PARD3B: variants seen among roughly 807,000 people sequenced by gnomAD.
PARD3B encodes partitioning defective 3 homolog B.
In PARD3B, 103 loss-of-function variants were observed where a neutral mutation model predicts 130.2. That is an observed-to-expected ratio of 0.79 (90% confidence interval 0.67 to 0.93). The LOEUF (loss-of-function observed/expected upper bound fraction) is 0.93. Among genes scored for constraint, PARD3B ranks in the 40% least tolerant of loss-of-function variants. The pLI is 0.00. For synonymous variants in PARD3B, 583 were observed against 553.2 expected (o/e 1.05, Z -0.76); for missense variants, 1,609 against 1,499.2 (o/e 1.07, Z -1.21).
At chr2:204,857,298 G>A (rs10190489) in intron 2 of PARD3B, among the ~76,000 whole-genome samples, 12,743 of 152,094 alleles carry the variant, frequency 0.084, 1,290 homozygotes, top group African/African-American at 0.23. Context: ...TCATCTAAAA[G>A]TAACTCTTTA....
intron 2 of PARD3B, among the ~76,000 whole-genome samples, chr2:204,751,417 C>T (rs2040462500): frequency 1.3e-5 from 2 of 152,204 alleles, no homozygotes; most frequent in Admixed American, 1.3e-4. Context: ...GCAGGAGAAG[C>T]CCTTAAGCTT....
intron 15 of PARD3B, among the ~76,000 whole-genome samples, chr2:205,218,700 A>G (rs971096538): frequency 3.9e-5 from 6 of 152,180 alleles, no homozygotes; most frequent in African/African-American, 1.2e-4. Context: ...GGTACAGCCC[A>G]TTGCTTTTAC....
chr2:205,427,799 A>G (rs865828281), intron 19 of PARD3B, among the ~76,000 whole-genome samples: 1 of 152,242 alleles, frequency 6.6e-6, no homozygotes, highest in Non-Finnish European at 1.5e-5. Flanking sequence ...AATTGGTTGC[A>G]TAGCCATTCA....
chr2:205,256,611 A>G (rs925476442), intron 16 of PARD3B, among the ~76,000 whole-genome samples: 2 of 152,326 alleles, frequency 1.3e-5, no homozygotes, highest in South Asian at 2.1e-4. Context: ...TATTTAATGT[A>G]CTATTTAGGT....
chr2:205,315,956 C>T (rs1404133751), intron 18 of PARD3B, among the ~76,000 whole-genome samples: 1 of 152,104 alleles, frequency 6.6e-6, no homozygotes, highest in African/African-American at 2.4e-5. Flanking sequence ...TTTGAGTTTA[C>T]ACATCTGTCT....
chr2:205,124,241 T>G, intron 8 of PARD3B, 86 bp from the exon 9 acceptor site: 1 of 1,096,336 alleles, frequency 9.1e-7, no homozygotes, highest in Non-Finnish European at 1.2e-6. Context: ...TATATTAGTC[T>G]AAATTAGGTA....
At position 205,550,335 on chromosome 2, in the gene PARD3B, T is replaced by G. The variant is rs546207946; in HGVS notation, c.3181-2989T>G. On this transcript the variant is annotated intron_variant, in intron 21 of 22. Transcript: ENST00000406610. This position sits in a 1 kb window ranked among gnomAD's most constrained non-coding sequence, Gnocchi z 4.5. ...CCACAGTGATCTCATTGTACCACAA[T>G]TGTTTGCAGGCCTGTTTCCATGAGG... is the stretch of plus-strand genomic sequence containing the variant. Among the ~76,000 whole-genome samples, 4 of 152,304 alleles carry G rather than the reference T, an allele frequency of 2.6e-5. No homozygotes were observed. Among genetic ancestry groups the G allele is most frequent in the Non-Finnish European group, 4.4e-5 (3 of 68,026 alleles).
In PARD3B at chr2:204,907,274, G is replaced by C. The variant is rs1226594477; in HGVS notation, c.223-57878G>C. Among the ~76,000 whole-genome samples, 1 of 152,108 alleles carries C rather than the reference G, an allele frequency of 6.6e-6. No individual in the cohort carries two copies. The highest frequency in any genetic ancestry group is 1.9e-4 in the East Asian group (1 of 5,186). Reference sequence around the variant, plus strand: ...GGATTACCATGAAAGCTTTTATTTAGCAACTGGGAAAGTACCTGTGGAGGA... The same window carrying C: ...GGATTACCATGAAAGCTTTTATTTACCAACTGGGAAAGTACCTGTGGAGGA... On this transcript the variant is annotated intron_variant, in intron 2 of 22. Transcript: ENST00000406610. The surrounding 1 kb of genome is among the most constrained non-coding windows in gnomAD (Gnocchi z 5.7).
chr2:205,156,331 G>A (rs1404037122), intron 10 of PARD3B, among the ~76,000 whole-genome samples: 5 of 151,200 alleles, frequency 3.3e-5, no homozygotes, highest in Admixed American at 2.0e-4. Flanking sequence ...GTTAATGGGT[G>A]CAGCACACCA....
chr2:205,070,084 T>G (rs1252172841), intron 4 of PARD3B, among the ~76,000 whole-genome samples: 2 of 152,116 alleles, frequency 1.3e-5, no homozygotes, highest in Non-Finnish European at 2.9e-5. Flanking sequence ...TCTCCTGGCT[T>G]AAATTTCTCC....
intron 20 of PARD3B, among the ~76,000 whole-genome samples, chr2:205,491,142 T>C (rs2049690372): frequency 6.6e-6 from 1 of 152,214 alleles, no homozygotes; most frequent in Admixed American, 6.5e-5. Flanking sequence ...TGGCTTTTGT[T>C]GCCATTGCTT....
In PARD3B at chr2:205,263,652, C is replaced by T. The variant is rs1242364871; in HGVS notation, c.2185+17830C>T. ...AAACAAATGGGAGAAATTTTAGTTA[C>T]AGTGGGTTAAGCAGAACTTTTTAGA... On this transcript the variant is annotated intron_variant, in intron 16 of 22. Coordinates refer to ENST00000406610, the MANE Select transcript of PARD3B (RefSeq NM_001302769.2). The surrounding 1 kb of genome is among the most constrained non-coding windows in gnomAD (Gnocchi z 4.0). 1.3e-5 allele frequency among the ~76,000 whole-genome samples: 2 copies of T among 150,898 alleles called. No homozygotes were observed. Among genetic ancestry groups the T allele is most frequent in the Non-Finnish European group, 3.0e-5 (2 of 67,560 alleles).
chr2:204,810,837 A>T (rs958384500), intron 2 of PARD3B, among the ~76,000 whole-genome samples: 1 of 152,032 alleles, frequency 6.6e-6, no homozygotes, highest in African/African-American at 2.4e-5. Context: ...TTTGATGGGG[A>T]GGAGTCCCTC....
chr2:205,484,667 C>T (rs141525862), intron 20 of PARD3B, among the ~76,000 whole-genome samples: 201 of 152,222 alleles, frequency 1.3e-3, no homozygotes, highest in Non-Finnish European at 2.5e-3. Context: ...AATCAGAAAG[C>T]ATAGTGTTGA....
At chr2:205,041,259 T>G (rs146506380) in intron 3 of PARD3B, among the ~76,000 whole-genome samples, 1 of 152,250 alleles carries the variant, frequency 6.6e-6, no homozygotes, top group East Asian at 1.9e-4. Flanking sequence ...AGTCTTTGGT[T>G]TCTCACGCAT....
At chr2:205,500,657 A>G (rs926765888) in intron 21 of PARD3B, among the ~76,000 whole-genome samples, 3 of 152,202 alleles carry the variant, frequency 2.0e-5, no homozygotes, top group East Asian at 1.9e-4. Flanking sequence ...GTCTGTGCCT[A>G]CAAGATGTAC....
chr2:205,521,617 G>A (rs1455490610), intron 21 of PARD3B, among the ~76,000 whole-genome samples: 1 of 151,888 alleles, frequency 6.6e-6, no homozygotes, highest in Admixed American at 6.6e-5. Context: ...AATAGCCCTT[G>A]CAGTTCTGAA....
intron 22 of PARD3B, among the ~76,000 whole-genome samples, chr2:205,595,934 AAAG>A (rs938095194): frequency 1.7e-4 from 26 of 152,142 alleles, no homozygotes; most frequent in Non-Finnish European, 2.4e-4. Flanking sequence ...GACAAAAAAA[AAAG>A]AAGAAGTAAT....
chr2:205,609,409 A>G (rs2055145250), intron 22 of PARD3B, among the ~76,000 whole-genome samples: 1 of 152,218 alleles, frequency 6.6e-6, no homozygotes, highest in African/African-American at 2.4e-5. Context: ...GCTCTGCCAG[A>G]TGTCGACTTT....
Sources: gnomAD v4.1 joint callset for allele counts (sites outside exome capture counted in the v4.1 genomes callset) on GRCh38, gnomAD v4.1.1 for gene constraint, Gnocchi (gnomAD v3.1) non-coding constraint, MANE v1.5 for transcripts, NCBI Gene and HGNC (gene_info 2026-07-23, HGNC 2026-07-21) for gene names.